TPTE: variants seen among roughly 807,000 people sequenced by gnomAD.
TPTE encodes the protein putative tyrosine-protein phosphatase TPTE.
TPTE carries 59 observed loss-of-function variants against 84.1 expected under a neutral mutation model. The ratio of observed to expected loss-of-function variants is 0.70; its 90% CI spans 0.57 to 0.87. TPTE has a LOEUF of 0.87. TPTE is among the 40% of genes least tolerant of loss of function. The pLI is 0.00. For missense variants in TPTE, 382 were observed against 659.6 expected (o/e 0.58, Z 4.61); for synonymous variants, 130 against 223.5 (o/e 0.58, Z 3.73).
intron 3 of TPTE, among the ~76,000 whole-genome samples, chr21:10,530,053 T>C (rs1438093760): frequency 6.6e-6 from 1 of 152,304 alleles, no homozygotes; most frequent in African/African-American, 2.4e-5. Context: ...TACAATCCTT[T>C]CTGTCATTAT....
At chr21:10,558,346 T>C (rs2074724523) in intron 8 of TPTE, among the ~76,000 whole-genome samples, 1 of 152,308 alleles carries the variant, frequency 6.6e-6, no homozygotes, top group South Asian at 2.1e-4. Flanking sequence ...TTACAGTGAT[T>C]GAACTAATTT....
At chr21:10,587,346 G>T (rs2075384741) in intron 17 of TPTE, among the ~76,000 whole-genome samples, 1 of 152,310 alleles carries the variant, frequency 6.6e-6, no homozygotes, top group African/African-American at 2.4e-5. Context: ...CCAATAGTTA[G>T]TTTTTCAACC....
At chr21:10,525,136 T>C (rs2074055891) in intron 2 of TPTE, among the ~76,000 whole-genome samples, 1 of 152,308 alleles carries the variant, frequency 6.6e-6, no homozygotes, top group African/African-American at 2.4e-5. Context: ...GCTTCAGTGG[T>C]CCCATCTCAA....
intron 3 of TPTE, among the ~76,000 whole-genome samples, chr21:10,528,395 T>A (rs2074118214): frequency 6.6e-6 from 1 of 152,304 alleles, no homozygotes; most frequent in Non-Finnish European, 1.5e-5. Flanking sequence ...GGGAAAATAG[T>A]TTTCTGGACA....
rs113445818 is a variant in TPTE at position 10,527,997 on chromosome 21, C to A, written c.-44+585C>A. On this transcript the variant is annotated intron_variant, in intron 3 of 23. Coordinates refer to ENST00000618007, the MANE Select transcript of TPTE (RefSeq NM_199261.4). The stretch of plus-strand genomic sequence containing the variant: ...AATTTAAGTTAAATTTGCTGCCACA[C>A]ATGATGATCAGGTTCAGTAATAATT... Among the ~76,000 whole-genome samples, 1,487 of 151,820 alleles carry A rather than the reference C, an allele frequency of 9.8e-3. 1 individual carries two copies. The highest frequency in any genetic ancestry group is 0.016 in the Non-Finnish European group (1,100 of 67,622).
At chr21:10,565,847 AAAATC>A (rs1246835172) in intron 10 of TPTE, among the ~76,000 whole-genome samples, 2 of 152,310 alleles carry the variant, frequency 1.3e-5, no homozygotes, top group Non-Finnish European at 2.9e-5. Flanking sequence ...ACCATATACA[AAAATC>A]AAATCAACAT....
chr21:10,570,193 A>T (rs2075013669), intron 13 of TPTE, among the ~76,000 whole-genome samples: 2 of 152,426 alleles, frequency 1.3e-5, no homozygotes, highest in South Asian at 4.1e-4. Context: ...TATTTAAGAT[A>T]AGAAATAAAT....
chr21:10,539,800 A>G (rs1353569149), intron 4 of TPTE, among the ~76,000 whole-genome samples: 2 of 152,308 alleles, frequency 1.3e-5, no homozygotes, highest in African/African-American at 4.8e-5. Flanking sequence ...TAACGAGATC[A>G]GTAGTTCAAG....
At chr21:10,572,164 T>TA (rs1335343410) in intron 14 of TPTE, among the ~76,000 whole-genome samples, 1 of 152,294 alleles carries the variant, frequency 6.6e-6, no homozygotes, top group East Asian at 1.9e-4. Flanking sequence ...AAAGAGGGAA[T>TA]ATTCATCAGG....
At chr21:10,574,478 A>G (rs2075110926) in intron 14 of TPTE, among the ~76,000 whole-genome samples, 1 of 152,310 alleles carries the variant, frequency 6.6e-6, no homozygotes, top group East Asian at 1.9e-4. Flanking sequence ...CTAGGGCTAA[A>G]AAAGAAATGT....
At chr21:10,565,826 C>G (rs1460186399) in intron 10 of TPTE, among the ~76,000 whole-genome samples, 1 of 152,308 alleles carries the variant, frequency 6.6e-6, no homozygotes, top group African/African-American at 2.4e-5. Context: ...GCACCTAGAC[C>G]CCTACCTCTC....
At chr21:10,597,788 ATT>A (rs60360697) in intron 20 of TPTE, among the ~76,000 whole-genome samples, 58 of 151,382 alleles carry the variant, frequency 3.8e-4, no homozygotes, top group African/African-American at 1.4e-3. Flanking sequence ...AACTATATGT[ATT>A]TTTTTTCCTC....
chr21:10,553,373 C>A (rs1030258452), intron 8 of TPTE, among the ~76,000 whole-genome samples: 13 of 152,414 alleles, frequency 8.5e-5, no homozygotes, highest in Admixed American at 4.6e-4. Flanking sequence ...AGAGGAAGTA[C>A]TGCCATAGAG....
At chr21:10,572,770 G>T (rs1347611546) in intron 14 of TPTE, among the ~76,000 whole-genome samples, 1 of 152,286 alleles carries the variant, frequency 6.6e-6, no homozygotes, top group Non-Finnish European at 1.5e-5. Context: ...TCTACATCTG[G>T]AAGCAAGAGG....
At chr21:10,529,462 A>G (rs540884709) in intron 3 of TPTE, among the ~76,000 whole-genome samples, 1 of 152,428 alleles carries the variant, frequency 6.6e-6, no homozygotes, top group South Asian at 2.1e-4. Context: ...CTGTGAGATT[A>G]AAATGTCTGT....
intron 1 of TPTE, among the ~76,000 whole-genome samples, chr21:10,522,510 A>G (rs1455904110): frequency 6.6e-6 from 1 of 152,308 alleles, no homozygotes; most frequent in Non-Finnish European, 1.5e-5. Flanking sequence ...GGGCTGGGAC[A>G]AGTTGGAAAC....
chr21:10,561,936 C>A (rs543531552), intron 10 of TPTE, among the ~76,000 whole-genome samples: 2 of 152,312 alleles, frequency 1.3e-5, no homozygotes, highest in South Asian at 2.1e-4. Flanking sequence ...GGCAAGACCC[C>A]GTGCTGTGCT....
At chr21:10,524,354 C>T (rs1157802655) in intron 1 of TPTE, among the ~76,000 whole-genome samples, 2 of 152,304 alleles carry the variant, frequency 1.3e-5, no homozygotes, top group Admixed American at 1.3e-4. Flanking sequence ...CTTTCCCCTC[C>T]CAGGGACCTT....
At chr21:10,539,902 G>A (rs1363290176) in intron 4 of TPTE, among the ~76,000 whole-genome samples, 2 of 152,312 alleles carry the variant, frequency 1.3e-5, no homozygotes, top group Non-Finnish European at 2.9e-5. Context: ...CCTGCTACTC[G>A]GGAGGCTGAG....
Sources: gnomAD v4.1 joint callset for allele counts (sites outside exome capture counted in the v4.1 genomes callset) on GRCh38, gnomAD v4.1.1 for gene constraint, MANE v1.5 for transcripts, NCBI Gene and HGNC (gene_info 2026-07-23, HGNC 2026-07-21) for gene names.